The following JPH3 variants were observed in gnomAD, a reference collection of about 807,000 sequenced individuals.
The protein encoded by JPH3 is junctophilin 3, also known as junctophilin-3.
JPH3 carries 11 observed loss-of-function variants against 59.6 expected under a neutral mutation model. The observed-to-expected ratio is 0.18, with a 90% confidence interval of 0.12 to 0.31. The LOEUF (loss-of-function observed/expected upper bound fraction) is 0.31. Among genes scored for constraint, JPH3 ranks in the 10% least tolerant of loss-of-function variants. JPH3 has a pLI of 1.00. For missense variants in JPH3, 1,202 were observed against 1,105.7 expected (o/e 1.09, Z -1.24); for synonymous variants, 673 against 483.6 (o/e 1.39, Z -5.14).
chr16:87,647,770 G>C (rs994109103), intron 2 of JPH3, among the ~76,000 whole-genome samples: 6 of 152,232 alleles, frequency 3.9e-5, no homozygotes, highest in Non-Finnish European at 7.3e-5. Flanking sequence ...TGGAGCCAGG[G>C]TGTACGGCTG....
rs180958903 is a variant in JPH3, at chr16:87,674,572, C to T, written c.1161-9570C>T. Among the ~76,000 whole-genome samples the T allele has an allele frequency of 1.7e-3, 257 of 152,194 alleles. 1 individual carries two copies. The highest frequency in any genetic ancestry group is 3.1e-3 in the Non-Finnish European group (210 of 68,030). On this transcript the variant is annotated intron_variant, in intron 2 of 4. Transcript: ENST00000284262. ...TATGTAGAGCATAACCCCATTTGTGCGGCAAAAATAAGGTGTGTATGTCGA... is the reference window on the plus strand; with the variant it reads ...TATGTAGAGCATAACCCCATTTGTGTGGCAAAAATAAGGTGTGTATGTCGA...
chr16:87,602,546 CCA>C lies in JPH3; in HGVS notation c.-599_-598del, dbSNP rs2030265105. ...GGGCCCGGAGCGCACGCCGCCGCCG[CCA>C]CCGCCGCCGCCGCCGCCCGAGCCGC... On this transcript the variant is annotated 5_prime_UTR_variant, in exon 1 of 5. Coordinates refer to ENST00000284262, the MANE Select transcript of JPH3 (RefSeq NM_020655.4). 7.3e-6 allele frequency among the ~76,000 whole-genome samples: 1 copy of C among 137,594 alleles called. No homozygotes were observed. The highest frequency in any genetic ancestry group is 1.6e-5 in the Non-Finnish European group (1 of 62,696). 90.3% of individuals were successfully genotyped at this position (137,594 alleles called of 152,430 possible).
In JPH3 at chr16:87,646,764, G is replaced by A. The variant is rs896636879; in HGVS notation, c.1160+1729G>A. Among the ~76,000 whole-genome samples the A allele has an allele frequency of 3.3e-5, 5 of 152,260 alleles. No individual in the cohort carries two copies. In the East Asian group the frequency reaches 5.8e-4, roughly 18 times the overall value. ...ATTGAGGAAGCTCGTGGCAGCTTCC[G>A]TGTGACCTGCAGATTGGTTCATGAG... On this transcript the variant is annotated intron_variant, in intron 2 of 4. Coordinates refer to ENST00000284262, the MANE Select transcript of JPH3 (RefSeq NM_020655.4).
intron 2 of JPH3, among the ~76,000 whole-genome samples, chr16:87,676,308 G>C (rs1189533546): frequency 6.6e-6 from 1 of 152,204 alleles, no homozygotes; most frequent in Non-Finnish European, 1.5e-5. Context: ...GCTTGTAGCA[G>C]ACACTCAATT....
chr16:87,644,809 G>C lies in JPH3; in HGVS notation c.934G>C (p.Glu312Gln), dbSNP rs1019784866. The change falls in exon 2 of 5, where the codon GAG (glutamate) becomes CAG (glutamine). Residue 312 changes from glutamate (E) to glutamine (Q), a missense_variant. Coordinates refer to ENST00000284262, the MANE Select transcript of JPH3 (RefSeq NM_020655.4). Reference sequence around the variant, plus strand: ...CCAGCGCTCGGACGGGCTCAAGTACGAGGGCGAGTGGGCCAGCAACCGGCG... The same window carrying C: ...CCAGCGCTCGGACGGGCTCAAGTACCAGGGCGAGTGGGCCAGCAACCGGCG... ...VSQRSDGLKY[E>Q]GEWASNRRHG... 1.2e-6 allele frequency: 2 copies of C among 1,613,252 alleles called. No homozygotes were observed. The highest frequency in any genetic ancestry group is 1.7e-4 in the Middle Eastern group (1 of 6,058).
chr16:87,676,942 T>A (rs1432121161), intron 2 of JPH3, among the ~76,000 whole-genome samples: 1 of 151,168 alleles, frequency 6.6e-6, no homozygotes, highest in African/African-American at 2.4e-5. Context: ...GAGGCTGAAG[T>A]GGGCGGATCA....
In JPH3 at chr16:87,660,382, C is replaced by G. The variant is rs188632152; in HGVS notation, c.1160+15347C>G. Reference sequence around the variant, plus strand: ...GGTTTCCTGGGATTGAGTCCCAGCCCTGCTGTAGGGCTGGAGTGAAAGGGG... The same window carrying G: ...GGTTTCCTGGGATTGAGTCCCAGCCGTGCTGTAGGGCTGGAGTGAAAGGGG... On this transcript the variant is annotated intron_variant, in intron 2 of 4. Transcript: ENST00000284262. Among the ~76,000 whole-genome samples, 831 of 152,224 alleles carry G rather than the reference C, an allele frequency of 5.5e-3. 9 individuals are homozygous for G. Among genetic ancestry groups the G allele is most frequent in the African/African-American group, 0.019 (789 of 41,518 alleles).
In JPH3 at chr16:87,644,919, C is replaced by T. The variant is rs769767671; in HGVS notation, c.1044C>T (p.Arg348=). 3.7e-6 allele frequency: 6 copies of T among 1,612,804 alleles called. No homozygotes were observed. Among genetic ancestry groups the T allele is most frequent in the Non-Finnish European group, 3.4e-6 (4 of 1,179,908 alleles). ...AGAACATCCTCGTCGGCGGCAAGCGCAAGAACCTCATCCCCCTGCGGGCCA... is the reference window on the plus strand; with the variant it reads ...AGAACATCCTCGTCGGCGGCAAGCGTAAGAACCTCATCCCCCTGCGGGCCA... ...YKQNILVGGK[R]KNLIPLRASK... The change falls in exon 2 of 5, where the codon CGC becomes CGT. Residue 348 remains arginine (R), a synonymous_variant. Coordinates refer to ENST00000284262, the MANE Select transcript of JPH3 (RefSeq NM_020655.4).
chr16:87,638,425 C>G (rs1049541976), intron 1 of JPH3, among the ~76,000 whole-genome samples: 2 of 152,110 alleles, frequency 1.3e-5, no homozygotes, highest in African/African-American at 2.4e-5. Flanking sequence ...GGCCGGAACG[C>G]CAGAGGCTAC....
At chr16:87,688,911 C>G (rs533883500) in intron 3 of JPH3, among the ~76,000 whole-genome samples, 32 of 152,288 alleles carry the variant, frequency 2.1e-4, no homozygotes, top group African/African-American at 7.2e-4. Context: ...TGGGGGCTCA[C>G]GGAGCTCCGG....
At chr16:87,658,046 C>T (rs2032566186) in intron 2 of JPH3, among the ~76,000 whole-genome samples, 1 of 152,154 alleles carries the variant, frequency 6.6e-6, no homozygotes, top group African/African-American at 2.4e-5. Context: ...GGGCCCACAC[C>T]CTGGTCTTCA....
chr16:87,672,335 C>T (rs925277670), intron 2 of JPH3, among the ~76,000 whole-genome samples: 9 of 152,182 alleles, frequency 5.9e-5, no homozygotes, highest in African/African-American at 2.2e-4. Context: ...CCCAGGCTAA[C>T]GGGCTTCTCT....
At chr16:87,614,976 A>C (rs1386760017) in intron 1 of JPH3, among the ~76,000 whole-genome samples, 20 of 93,706 alleles carry the variant, frequency 2.1e-4, no homozygotes, top group Non-Finnish European at 3.7e-4. Context: ...ACACACGAGG[A>C]GCCGCGCGTC....
intron 4 of JPH3, among the ~76,000 whole-genome samples, chr16:87,691,534 C>A (rs755092416): frequency 6.6e-6 from 1 of 152,270 alleles, no homozygotes; most frequent in Non-Finnish European, 1.5e-5. Flanking sequence ...TTATTGTCGA[C>A]GCTGCGGCAG....
At chr16:87,689,057 C>A (rs538162380) in intron 3 of JPH3, among the ~76,000 whole-genome samples, 87 of 152,266 alleles carry the variant, frequency 5.7e-4, no homozygotes, top group Non-Finnish European at 1.1e-3. Flanking sequence ...CCTGTGGTGA[C>A]CTCCCCTTCC....
intron 2 of JPH3, among the ~76,000 whole-genome samples, chr16:87,672,555 TGGGG>T (rs1393670266): frequency 6.6e-6 from 1 of 152,128 alleles, no homozygotes; most frequent in Non-Finnish European, 1.5e-5. Flanking sequence ...CATCCTGTAT[TGGGG>T]GAGAACGGGG....
rs544842752 is a variant in JPH3, at chr16:87,684,192, A to C, written c.1211A>C (p.Lys404Thr). The C allele has an allele frequency of 6.2e-6, 10 of 1,613,920 alleles. No homozygotes were observed. In the East Asian group the frequency reaches 1.6e-4, roughly 25 times the overall value. The change falls in exon 3 of 5, where the codon AAA (lysine) becomes ACA (threonine). Residue 404 changes from lysine to threonine, a missense_variant. By Grantham distance (78) the Lys-to-Thr change is moderately conservative. Coordinates refer to ENST00000284262, the MANE Select transcript of JPH3 (RefSeq NM_020655.4). ...GAGGCAGCCCTCACAGCAGCTCAGA[A>C]AGCCCAGGAGGAGGCGCGGATCGCC... Reference protein sequence around the residue: ...KAEAALTAAQKAQEEARIARI... With the variant: ...KAEAALTAAQTAQEEARIARI...
chr16:87,689,617 G>A (rs779152116), intron 3 of JPH3, 29 bp from the exon 4 acceptor site: 22 of 1,605,148 alleles, frequency 1.4e-5, no homozygotes, highest in East Asian at 2.3e-5. Flanking sequence ...GGGTAACGCC[G>A]TCTGGCGTCG....
chr16:87,685,252 G>C (rs1270483022), intron 3 of JPH3, among the ~76,000 whole-genome samples: 1 of 152,236 alleles, frequency 6.6e-6, no homozygotes, highest in African/African-American at 2.4e-5. Context: ...GGGCCCTGCA[G>C]AGCCTGCAGC....
Sources: allele counts gnomAD v4.1 joint callset (sites outside exome capture counted in the v4.1 genomes callset), GRCh38; gene constraint gnomAD v4.1.1; transcripts MANE v1.5; gene names NCBI Gene and HGNC (gene_info 2026-07-23, HGNC 2026-07-21).